Variants in NF1 observed in about 807,000 individuals in gnomAD.
NF1 encodes the protein neurofibromin.
NF1 carries 122 observed loss-of-function variants against 325.7 expected under a neutral mutation model. That is an observed-to-expected ratio of 0.37 (90% confidence interval 0.32 to 0.44). The LOEUF (loss-of-function observed/expected upper bound fraction) is 0.44, where lower values mean the gene tolerates loss of function less well. NF1 is among the 20% of genes least tolerant of loss of function. The pLI is 1.00. For missense variants in NF1, 2,140 were observed against 3,415.4 expected (o/e 0.63, Z 9.31); for synonymous variants, 1,091 against 1,186.0 (o/e 0.92, Z 1.65).
chr17:31,287,174 A>G (rs2068244292), intron 36 of NF1, among the ~76,000 whole-genome samples: 1 of 152,236 alleles, frequency 6.6e-6, no homozygotes, highest in Non-Finnish European at 1.5e-5. Flanking sequence ...GAAATTATTT[A>G]CTATTACTGT....
chr17:31,210,767 C>A (rs369839545), intron 12 of NF1, among the ~76,000 whole-genome samples: 1 of 151,924 alleles, frequency 6.6e-6, no homozygotes, highest in Non-Finnish European at 1.5e-5. Flanking sequence ...TGTTTGTATA[C>A]CCTGTTTCTA....
intron 39 of NF1, among the ~76,000 whole-genome samples, chr17:31,333,820 A>G (rs1309615518): frequency 2.0e-5 from 3 of 152,260 alleles, no homozygotes; most frequent in Non-Finnish European, 4.4e-5. Context: ...ACATTTAAAA[A>G]TAGTTAAAAT....
In NF1 at chr17:31,327,574, A is replaced by G. The variant is rs1160436761; in HGVS notation, c.5344A>G (p.Ile1782Val). ...AGGGCAATCAGTCTTTCTAAATGAC[A>G]TTTATTATGCTTCGGAAATTGAAGA... ...VLGQSVFLND[I>V]YYASEIEEIC... Residue 1782 changes from isoleucine (I) to valine (V), a missense_variant, in exon 38 of 58, where the codon ATT becomes GTT. Around this residue, in one of 10 missense-constraint regions of NF1, gnomAD observed 147 missense variants for 186.7 expected, o/e 0.79. Coordinates refer to ENST00000358273, the MANE Select transcript of NF1 (RefSeq NM_001042492.3). 2.5e-6 allele frequency: 4 copies of G among 1,614,234 alleles called. No individual in the cohort carries two copies. The highest frequency in any genetic ancestry group is 3.4e-6 in the Non-Finnish European group (4 of 1,180,052).
intron 5 of NF1, among the ~76,000 whole-genome samples, chr17:31,178,373 A>C (rs986794335): frequency 6.6e-6 from 1 of 152,244 alleles, no homozygotes; most frequent in African/African-American, 2.4e-5. Context: ...AGGAAGCACT[A>C]AGCATGGAAA....
chr17:31,168,965 A>ATGT (rs1481135996), intron 4 of NF1, among the ~76,000 whole-genome samples: 1 of 152,166 alleles, frequency 6.6e-6, no homozygotes, highest in African/African-American at 2.4e-5. Flanking sequence ...AATACAGTCC[A>ATGT]TGTAGGGAAT....
intron 30 of NF1, chr17:31,250,081 A>AT: frequency 2.1e-6 from 1 of 483,164 alleles, no homozygotes; most frequent in Non-Finnish European, 4.1e-6. Flanking sequence ...CACCATTGCT[A>AT]TTTTTAAAGA....
chr17:31,195,789 T>C (rs2066424771), intron 8 of NF1, among the ~76,000 whole-genome samples: 1 of 152,104 alleles, frequency 6.6e-6, no homozygotes, highest in South Asian at 2.1e-4. Flanking sequence ...AGTGATATAT[T>C]CCATTGTATA....
At chr17:31,158,253 A>G (rs2065702166) in intron 2 of NF1, among the ~76,000 whole-genome samples, 1 of 152,172 alleles carries the variant, frequency 6.6e-6, no homozygotes, top group Admixed American at 6.5e-5. Flanking sequence ...TAAACTTACA[A>G]AACTAATAAA....
chr17:31,340,253 G>T, intron 46 of NF1: 1 of 521,600 alleles, frequency 1.9e-6, no homozygotes, highest in Non-Finnish European at 3.4e-6. Flanking sequence ...ACAAACCTTG[G>T]TGACTGGATT....
At chr17:31,372,105 TTTCTA>T (rs2070653162) in intron 57 of NF1, among the ~76,000 whole-genome samples, 3 of 152,240 alleles carry the variant, frequency 2.0e-5, no homozygotes, top group Admixed American at 2.0e-4. Context: ...AATGGAAATT[TTTCTA>T]TTCTAAGATT....
chr17:31,140,452 C>G (rs1008119098), intron 1 of NF1, among the ~76,000 whole-genome samples: 5 of 152,152 alleles, frequency 3.3e-5, no homozygotes, highest in African/African-American at 9.7e-5. Flanking sequence ...AATAGAAGAT[C>G]CCTAGCAAGT....
In NF1 at chr17:31,358,521, T is replaced by C. The variant is rs1207124870; in HGVS notation, c.8012T>C (p.Leu2671Ser). 2 of 1,613,920 alleles carry C rather than the reference T, an allele frequency of 1.2e-6. No homozygotes were observed. Among genetic ancestry groups the C allele is most frequent in the Non-Finnish European group, 1.7e-6 (2 of 1,179,942 alleles). Residue 2671 changes from leucine (L) to serine (S), a missense_variant, in exon 55 of 58, where the codon TTG becomes TCG. Around this residue, in one of 10 missense-constraint regions of NF1, gnomAD observed 522 missense variants for 749.0 expected, o/e 0.70. Transcript: ENST00000358273. ...LDSKINTLLS[L>S]CQDPNLLNPI... ...TCTAAGATCAACACCCTGTTATCAT[T>C]GTGCCAAGATCCAAATTTGTTAAAT...
intron 1 of NF1, chr17:31,128,374 C>G (rs996042495): frequency 1.3e-5 from 2 of 151,392 alleles, no homozygotes; most frequent in South Asian, 2.1e-4. Context: ...ATGTTGTTAG[C>G]TGGTTATTAT....
chr17:31,236,746 C>A (rs767930121), intron 29 of NF1, among the ~76,000 whole-genome samples: 5 of 151,908 alleles, frequency 3.3e-5, no homozygotes, highest in Non-Finnish European at 5.9e-5. Flanking sequence ...CCACCATGCC[C>A]AGCCCAGAGT....
At chr17:31,105,749 G>A (rs1241715618) in intron 1 of NF1, among the ~76,000 whole-genome samples, 1 of 152,052 alleles carries the variant, frequency 6.6e-6, no homozygotes, top group East Asian at 1.9e-4. Flanking sequence ...CCCAACCTCA[G>A]GTGATCCTCC....
intron 25 of NF1, 101 bp from the exon 26 acceptor site, chr17:31,232,599 G>A (rs752618344): frequency 2.7e-6 from 3 of 1,120,336 alleles, no homozygotes; most frequent in Non-Finnish European, 4.0e-6. Flanking sequence ...GTTAACCCAG[G>A]GCCATTCACA....
intron 57 of NF1, among the ~76,000 whole-genome samples, chr17:31,371,489 G>A (rs973281686): frequency 2.6e-5 from 4 of 152,292 alleles, no homozygotes; most frequent in African/African-American, 7.2e-5. Flanking sequence ...ATCATGAGCA[G>A]CTTTCTTTCA....
In NF1 at chr17:31,322,130, A is replaced by G. The variant is rs988751547; in HGVS notation, c.4836-3690A>G. ...ACACACACACACACACACACACACA[A>G]CTGTCAAACATCCTGTCATCACCTC... is the stretch of plus-strand genomic sequence containing the variant. On this transcript the variant is annotated intron_variant, in intron 36 of 57. Coordinates refer to ENST00000358273, the MANE Select transcript of NF1 (RefSeq NM_001042492.3). 4.2e-5 allele frequency among the ~76,000 whole-genome samples: 5 copies of G among 120,330 alleles called. No individual in the cohort carries two copies. The East Asian group carries it at 1.0e-3, about 24-fold the overall frequency. 78.9% of individuals were successfully genotyped at this position (120,330 alleles called of 152,430 possible).
intron 36 of NF1, chr17:31,278,302 G>A (rs2068045665): frequency 1.3e-5 from 2 of 151,538 alleles, no homozygotes; most frequent in Non-Finnish European, 2.9e-5. Flanking sequence ...ATTTCATATA[G>A]CACTTTCTTG....
Sources: gnomAD v4.1 joint callset for allele counts (sites outside exome capture counted in the v4.1 genomes callset) on GRCh38, gnomAD v4.1.1 for gene constraint, gnomAD v4.1.1 regional missense constraint, MANE v1.5 for transcripts, NCBI Gene and HGNC (gene_info 2026-07-23, HGNC 2026-07-21) for gene names.